Variants in SLC22A4 observed in about 807,000 individuals in gnomAD.
The protein encoded by SLC22A4 is ET transporter.
Under a neutral mutation model 56.6 loss-of-function variants are expected in SLC22A4, and 39 were observed. That is an observed-to-expected ratio of 0.69 (90% CI 0.53 to 0.90). SLC22A4 has a LOEUF of 0.90. SLC22A4 is among the 40% of genes least tolerant of loss of function. SLC22A4 has a pLI of 0.00. For missense variants in SLC22A4, 594 were observed against 696.5 expected (o/e 0.85, Z 1.66); for synonymous variants, 241 against 281.4 (o/e 0.86, Z 1.44).
intron 8 of SLC22A4, among the ~76,000 whole-genome samples, chr5:132,337,432 G>A (rs1751059476): frequency 6.6e-6 from 1 of 151,136 alleles, no homozygotes; most frequent in South Asian, 2.1e-4. Context: ...ACACCGTCAA[G>A]CCCAGCTAAT....
intron 3 of SLC22A4, among the ~76,000 whole-genome samples, chr5:132,315,997 A>G (rs907034426): frequency 6.6e-6 from 1 of 152,182 alleles, no homozygotes; most frequent in Non-Finnish European, 1.5e-5. Flanking sequence ...GCTTCCCTAC[A>G]GTGCAGCAGT....
At position 132,294,889 on chromosome 5, in the gene SLC22A4, C is replaced by CTTCTCGGCG; in HGVS notation, c.274_282dup (p.Phe92_Ala94dup). Reference sequence around the variant, plus strand: ...GCTACCGGCTCGCCACCATCGCCAACTTCTCGGCGCTCGGGCTGGAGCCGG... The same window carrying CTTCTCGGCG: ...GCTACCGGCTCGCCACCATCGCCAACTTCTCGGCGTTCTCGGCGCTCGGGCTGGAGCCGG... On this transcript the variant is annotated inframe_insertion, in exon 1 of 10. Transcript: ENST00000200652. The surrounding 1 kb of genome is among the most constrained non-coding windows in gnomAD (Gnocchi z 5.6). 1 of 1,597,478 alleles carries CTTCTCGGCG rather than the reference C, an allele frequency of 6.3e-7. No homozygotes were observed. The highest frequency in any genetic ancestry group is 2.3e-5 in the East Asian group (1 of 44,076).
At chr5:132,314,459 A>G (rs1021138122) in intron 3 of SLC22A4, among the ~76,000 whole-genome samples, 1 of 152,166 alleles carries the variant, frequency 6.6e-6, no homozygotes, top group Admixed American at 6.5e-5. Context: ...CACAGGAGTG[A>G]GAGAGTGTGT....
At chr5:132,297,626 T>G (rs144447210) in intron 1 of SLC22A4, among the ~76,000 whole-genome samples, 9 of 150,798 alleles carry the variant, frequency 6.0e-5, no homozygotes, top group Admixed American at 1.3e-4. Flanking sequence ...CAAATGAAAA[T>G]CATAAGGAGG....
intron 4 of SLC22A4, among the ~76,000 whole-genome samples, chr5:132,324,303 G>A (rs1164679572): frequency 6.6e-6 from 1 of 152,106 alleles, no homozygotes; most frequent in Non-Finnish European, 1.5e-5. Flanking sequence ...AGTAGGGATG[G>A]GATCTTTGCC....
chr5:132,295,193 G>A, intron 1 of SLC22A4, 184 bp downstream of exon 1: 1 of 765,146 alleles, frequency 1.3e-6, no homozygotes, highest in Non-Finnish European at 2.3e-6. Context: ...GCGCATTCCT[G>A]GGTCGTTTCT....
intron 6 of SLC22A4, 93 bp from the exon 7 acceptor site, chr5:132,334,625 A>G (rs1268004408): frequency 3.4e-6 from 3 of 881,844 alleles, no homozygotes; most frequent in Admixed American, 1.7e-5. Flanking sequence ...GTGGCTACTT[A>G]TAAGACAGCA....
At chr5:132,314,508 A>C (rs2126713623) in intron 3 of SLC22A4, among the ~76,000 whole-genome samples, 1 of 152,294 alleles carries the variant, frequency 6.6e-6, no homozygotes, top group South Asian at 2.1e-4. Context: ...AGAGAAGCAG[A>C]GGTGAGGGGT....
At chr5:132,325,809 C>G (rs1750670848) in intron 4 of SLC22A4, among the ~76,000 whole-genome samples, 1 of 152,140 alleles carries the variant, frequency 6.6e-6, no homozygotes, top group East Asian at 1.9e-4. Flanking sequence ...GGACACTGGA[C>G]CAAATTGAGG....
intron 1 of SLC22A4, among the ~76,000 whole-genome samples, chr5:132,301,285 A>G (rs571526062): frequency 8.2e-4 from 125 of 152,266 alleles, no homozygotes; most frequent in African/African-American, 2.9e-3. Flanking sequence ...GCTGGATACC[A>G]CTTCTGCCAG....
chr5:132,297,393 T>TA (rs1749804424), intron 1 of SLC22A4, among the ~76,000 whole-genome samples: 1 of 151,922 alleles, frequency 6.6e-6, no homozygotes, highest in African/African-American at 2.4e-5. Flanking sequence ...AGGAAGCAAG[T>TA]ACCAGGGTAA....
In SLC22A4 at chr5:132,335,959, C is replaced by G. The variant is rs1751015386; in HGVS notation, c.1403C>G (p.Ser468Cys). 6.2e-7 allele frequency: 1 copy of G among 1,614,126 alleles called. No individual in the cohort carries two copies. Among genetic ancestry groups the G allele is most frequent in the African/African-American group, 1.3e-5 (1 of 75,014 alleles). ...GCGGTGGGGGTCACATCCACGGCCT[C>G]CAGAGTGGGCAGCATCATTGCCCCC... ...NMAVGVTSTA[S>C]RVGSIIAPYF... is the part of the protein sequence containing the mutation. Residue 468 changes from serine to cysteine, a missense_variant, in exon 8 of 10, where the codon TCC (serine) becomes TGC (cysteine). Physicochemically the swap from Ser to Cys is moderately radical, Grantham distance 112. Coordinates refer to ENST00000200652, the MANE Select transcript of SLC22A4 (RefSeq NM_003059.3).
At chr5:132,338,015 G>A (rs1195200088) in intron 8 of SLC22A4, among the ~76,000 whole-genome samples, 2 of 152,010 alleles carry the variant, frequency 1.3e-5, no homozygotes, top group African/African-American at 4.8e-5. Flanking sequence ...AAAGTGCTGG[G>A]ATAACAGACA....
At chr5:132,303,724 G>C (rs959976156) in intron 1 of SLC22A4, among the ~76,000 whole-genome samples, 6 of 152,158 alleles carry the variant, frequency 3.9e-5, no homozygotes, top group Middle Eastern at 3.2e-3. Context: ...TTAGAGCCTT[G>C]ATTGCCCTTA....
At position 132,316,350 on chromosome 5, in the gene SLC22A4, G is replaced by T. The variant is rs114499336; in HGVS notation, c.652+2582G>T. ...ATGCCTGGAAGTGATGGTGTTGCCG[G>T]AATGATGCTGGTTTAGGAGGAAATG... On this transcript the variant is annotated intron_variant, in intron 3 of 9. Coordinates refer to ENST00000200652, the MANE Select transcript of SLC22A4 (RefSeq NM_003059.3). Among the ~76,000 whole-genome samples the T allele has an allele frequency of 4.7e-3, 709 of 152,210 alleles. 2 individuals are homozygous for T. Among genetic ancestry groups the T allele is most frequent in the Non-Finnish European group, 7.8e-3 (529 of 68,006 alleles).
chr5:132,340,822 A>G, intron 9 of SLC22A4, 122 bp downstream of exon 9: 1 of 1,051,640 alleles, frequency 9.5e-7, no homozygotes, highest in Non-Finnish European at 1.5e-6. Flanking sequence ...TCAGATAATA[A>G]AGCATATTGT....
chr5:132,313,796 G>T, intron 3 of SLC22A4, 28 bp downstream of exon 3: 6 of 1,611,110 alleles, frequency 3.7e-6, no homozygotes, highest in Non-Finnish European at 5.1e-6. Flanking sequence ...GACATGGGGT[G>T]CTTCCCTCTA....
At chr5:132,315,551 C>T (rs1750323876) in intron 3 of SLC22A4, among the ~76,000 whole-genome samples, 1 of 152,184 alleles carries the variant, frequency 6.6e-6, no homozygotes, top group Admixed American at 6.5e-5. Flanking sequence ...CTGCCCTCCC[C>T]CGCCGGCTCT....
At chr5:132,315,419 A>G (rs185886987) in intron 3 of SLC22A4, among the ~76,000 whole-genome samples, 22 of 152,284 alleles carry the variant, frequency 1.4e-4, no homozygotes, top group Middle Eastern at 3.4e-3. Context: ...CCGGTTCTAT[A>G]GAATGGGCAG....
Sources: allele counts gnomAD v4.1 joint callset (sites outside exome capture counted in the v4.1 genomes callset), GRCh38; gene constraint gnomAD v4.1.1; non-coding constraint Gnocchi (gnomAD v3.1); transcripts MANE v1.5; gene names NCBI Gene and HGNC (gene_info 2026-07-23, HGNC 2026-07-21).